Variants in ZFHX3 observed in about 807,000 individuals in gnomAD.
ZFHX3 encodes the protein zinc finger homeobox 3, also known as zinc finger homeobox protein 3.
In ZFHX3, 42 loss-of-function variants were observed where a neutral mutation model predicts 279.1. The observed-to-expected ratio is 0.15, with a 90% CI of 0.12 to 0.19. The LOEUF (loss-of-function observed/expected upper bound fraction) is 0.19, where lower values mean the gene tolerates loss of function less well. Ranked by LOEUF, ZFHX3 falls within the 10% of genes least tolerant of loss-of-function variation. The probability of loss-of-function intolerance (pLI) is 1.00; values close to 1 mark genes in which losing one functional copy is unlikely to be tolerated. For missense variants in ZFHX3, 4,981 were observed against 4,754.0 expected, an observed-to-expected ratio of 1.05 and a Z score of -1.40; for synonymous variants, 2,293 against 1,957.8, an observed-to-expected ratio of 1.17 and a Z score of -4.52.
chr16:73,043,942 G>A (rs75115724), intron 1 of ZFHX3, among the ~76,000 whole-genome samples: 1,798 of 152,284 alleles, frequency 0.012, 39 homozygotes, highest in African/African-American at 0.04. Context: ...TTGCCAATGA[G>A]CCAAGATTTC....
chr16:73,706,021 T>A (rs1190323546), intron 1 of ZFHX3, among the ~76,000 whole-genome samples: 1 of 152,066 alleles, frequency 6.6e-6, no homozygotes, highest in East Asian at 1.9e-4. Context: ...ATTTCTGGAG[T>A]TGGCCGGACA....
intron 3 of ZFHX3, among the ~76,000 whole-genome samples, chr16:72,896,992 C>G (rs1308789777): frequency 1.3e-5 from 2 of 152,260 alleles, no homozygotes; most frequent in African/African-American, 2.4e-5. Flanking sequence ...CACGGCAACT[C>G]CATTTCCAGA....
At position 73,758,367 on chromosome 16, in the gene ZFHX3, A is replaced by T. The variant is rs16972502; in HGVS notation, c.-1607-78127T>A. Among the ~76,000 whole-genome samples the T allele has an allele frequency of 5.4e-3, 820 of 152,328 alleles. 10 individuals are homozygous for T. Among genetic ancestry groups the T allele is most frequent in the African/African-American group, 0.019 (793 of 41,574 alleles). On this transcript the variant is annotated intron_variant, in intron 1 of 17. Transcript: ENST00000641206. ...CAACTTCACCACAGAGTTCTCAGAG[A>T]TAACAGTTTTCTAACCTAGCTCAAA...
At chr16:73,674,109 T>C (rs1417548500) in intron 2 of ZFHX3, among the ~76,000 whole-genome samples, 1 of 152,224 alleles carries the variant, frequency 6.6e-6, no homozygotes, top group African/African-American at 2.4e-5. Flanking sequence ...GGGCCAAATC[T>C]TGTTTGCTAT....
At chr16:72,822,669 A>G (rs1187115032) in intron 5 of ZFHX3, among the ~76,000 whole-genome samples, 1 of 152,174 alleles carries the variant, frequency 6.6e-6, no homozygotes, top group Non-Finnish European at 1.5e-5. Context: ...GGTATTTTCT[A>G]TAGTGATGAA....
intron 7 of ZFHX3, among the ~76,000 whole-genome samples, chr16:73,119,668 A>G (rs2144806921): frequency 6.6e-6 from 1 of 152,312 alleles, no homozygotes; most frequent in South Asian, 2.1e-4. Context: ...ATCATAGGAA[A>G]TATAAACTTC....
chr16:73,153,069 G>A (rs1966986657), intron 5 of ZFHX3, among the ~76,000 whole-genome samples: 1 of 152,054 alleles, frequency 6.6e-6, no homozygotes, highest in South Asian at 2.1e-4. Context: ...ATCTCCTCAG[G>A]AAGCAGGTTA....
intron 8 of ZFHX3, among the ~76,000 whole-genome samples, chr16:73,066,689 G>T (rs371716773): frequency 1.1e-3 from 173 of 152,294 alleles, no homozygotes; most frequent in Middle Eastern, 3.4e-3. Context: ...CCCCAGCAGT[G>T]GTCTGGAAAG....
At chr16:73,337,894 G>GGGT (rs1555510890) in intron 3 of ZFHX3, among the ~76,000 whole-genome samples, 2 of 143,456 alleles carry the variant, frequency 1.4e-5, no homozygotes, top group Non-Finnish European at 3.1e-5. Context: ...TCCCTTGGCG[G>GGGT]GGGGGGGGGT....
At chr16:73,887,446 GATGAAAGCT>G (rs1275734794) in intron 1 of ZFHX3, among the ~76,000 whole-genome samples, 2 of 152,118 alleles carry the variant, frequency 1.3e-5, no homozygotes, top group African/African-American at 4.8e-5. Flanking sequence ...GTTCTATAAA[GATGAAAGCT>G]AACTGGATGT....
intron 2 of ZFHX3, among the ~76,000 whole-genome samples, chr16:73,483,698 A>T (rs1173932498): frequency 6.6e-6 from 1 of 152,146 alleles, no homozygotes; most frequent in Non-Finnish European, 1.5e-5. Context: ...CCTGGTATGT[A>T]TAGTATGCAA....
intron 2 of ZFHX3, among the ~76,000 whole-genome samples, chr16:73,501,518 T>C (rs907657098): frequency 1.3e-5 from 2 of 152,220 alleles, no homozygotes; most frequent in Non-Finnish European, 2.9e-5. Flanking sequence ...TGAGTCCTTA[T>C]GATTTATGGG....
chr16:73,150,442 A>C (rs752743635), intron 5 of ZFHX3, among the ~76,000 whole-genome samples: 1 of 152,228 alleles, frequency 6.6e-6, no homozygotes, highest in Non-Finnish European at 1.5e-5. Context: ...TCAATAAATG[A>C]AAGTAACAAT....
chr16:73,261,076 T>G (rs1002835651), intron 4 of ZFHX3, among the ~76,000 whole-genome samples: 2 of 152,202 alleles, frequency 1.3e-5, no homozygotes, highest in Non-Finnish European at 2.9e-5. Flanking sequence ...TGTGCAAGGT[T>G]ATTAACTGCA....
At chr16:73,104,442 A>G (rs1316752998) in intron 7 of ZFHX3, among the ~76,000 whole-genome samples, 3 of 151,962 alleles carry the variant, frequency 2.0e-5, no homozygotes, top group Admixed American at 2.0e-4. Context: ...TGTTGCCCAG[A>G]GTGGCCTCAA....
chr16:73,455,283 C>G (rs926796056), intron 3 of ZFHX3, among the ~76,000 whole-genome samples: 1 of 152,154 alleles, frequency 6.6e-6, no homozygotes, highest in Non-Finnish European at 1.5e-5. Flanking sequence ...CATTTGCATT[C>G]TCAGAGTTTG....
intron 5 of ZFHX3, among the ~76,000 whole-genome samples, chr16:73,228,692 CA>C (rs2144928192): frequency 6.6e-6 from 1 of 152,236 alleles, no homozygotes; most frequent in South Asian, 2.1e-4. Flanking sequence ...AAACCACTTT[CA>C]AGGGCCCTTA....
intron 4 of ZFHX3, among the ~76,000 whole-genome samples, chr16:72,843,116 C>T (rs1299323393): frequency 1.3e-5 from 2 of 152,196 alleles, no homozygotes; most frequent in Non-Finnish European, 2.9e-5. Context: ...TGGTCACCGG[C>T]AGGTTCTACC....
rs61284759 is a variant in ZFHX3 at position 73,059,524 on chromosome 16, T to TTCTCTCTCTCTCTCTCTCTCTCTCTC, written c.-1044_-1019dup. The TTCTCTCTCTCTCTCTCTCTCTCTCTC allele has an allele frequency of 1.7e-4, 18 of 103,242 alleles. 1 individual carries two copies. The highest frequency in any genetic ancestry group is 9.5e-4 in the South Asian group (2 of 2,096). 6.4% of individuals were successfully genotyped at this position (103,242 alleles called of 1,614,324 possible). A position where few individuals can be genotyped will look rare whatever the true frequency, so the allele number is the denominator to read the frequency against. On this transcript the variant is annotated 5_prime_UTR_variant, in exon 1 of 9. Transcript: ENST00000397992. ...CTTTTCTTTCTTATTATTTTCCCCTTTCTCTCTCTCTCTCTCTCTCTCTCT... is the reference window on the plus strand; with the variant it reads ...CTTTTCTTTCTTATTATTTTCCCCTTTCTCTCTCTCTCTCTCTCTCTCTCTCTCTCTCTCTCTCTCTCTCTCTCTCT...
Sources: allele counts gnomAD v4.1 joint callset (sites outside exome capture counted in the v4.1 genomes callset), GRCh38; gene constraint gnomAD v4.1.1; transcripts MANE v1.5; gene names NCBI Gene and HGNC (gene_info 2026-07-23, HGNC 2026-07-21).